Variants in NALF1 observed in about 807,000 individuals in gnomAD.
NALF1 encodes the protein NALCN channel auxiliary factor 1.
In NALF1, 3 loss-of-function variants were observed where a neutral mutation model predicts 48.4. That is an observed-to-expected ratio of 0.06 (90% CI 0.03 to 0.16). The LOEUF is 0.16. Among genes scored for constraint, NALF1 ranks in the 10% least tolerant of loss-of-function variants. The pLI is 1.00. For missense variants in NALF1, 526 were observed against 571.5 expected, an observed-to-expected ratio of 0.92 and a Z score of 0.81; for synonymous variants, 262 against 245.7, an observed-to-expected ratio of 1.07 and a Z score of -0.62.
At chr13:107,458,539 G>T (rs76529340) in intron 1 of NALF1, among the ~76,000 whole-genome samples, 8,127 of 152,222 alleles carry the variant, frequency 0.053, 393 homozygotes, top group African/African-American at 0.12. Flanking sequence ...CAAAGCCAAG[G>T]GCAGCAGGTC....
At chr13:107,413,137 T>A (rs1884020815) in intron 1 of NALF1, among the ~76,000 whole-genome samples, 1 of 152,168 alleles carries the variant, frequency 6.6e-6, no homozygotes, top group South Asian at 2.1e-4. Flanking sequence ...CAAGTAATAA[T>A]CCAGGGTCTA....
chr13:107,514,418 C>A (rs1479807641), intron 1 of NALF1, among the ~76,000 whole-genome samples: 1 of 80,006 alleles, frequency 1.2e-5, no homozygotes, highest in Non-Finnish European at 2.9e-5. Flanking sequence ...AGAAGCTTCT[C>A]CTATATCTAT....
chr13:107,643,769 C>T (rs1363890306), intron 1 of NALF1, among the ~76,000 whole-genome samples: 1 of 152,054 alleles, frequency 6.6e-6, no homozygotes, highest in Non-Finnish European at 1.5e-5. Flanking sequence ...TAGTACCATG[C>T]CTAATGCCAA....
Position 107,856,277 on chromosome 13 carries a change from G to A in NALF1, c.915+9405C>T, listed in dbSNP as rs1200544074. Among the ~76,000 whole-genome samples, 3 of 152,158 alleles carry A rather than the reference G, an allele frequency of 2.0e-5. No homozygotes were observed. In the East Asian group the frequency reaches 5.8e-4, roughly 29 times the overall value. ...TCCCCAAAGAATTGGATGTGGACAT[G>A]AATAACTGTGTGCAAAGAAGTGCTG... On this transcript the variant is annotated intron_variant, in intron 1 of 2. Coordinates refer to ENST00000375915, the MANE Select transcript of NALF1 (RefSeq NM_001080396.3).
chr13:107,834,443 A>G (rs1428475129), intron 1 of NALF1, among the ~76,000 whole-genome samples: 1 of 152,228 alleles, frequency 6.6e-6, no homozygotes, highest in African/African-American at 2.4e-5. Flanking sequence ...TATGGGGAAA[A>G]AATGAATGAA....
At chr13:107,438,680 G>A (rs537834100) in intron 1 of NALF1, among the ~76,000 whole-genome samples, 1 of 151,638 alleles carries the variant, frequency 6.6e-6, no homozygotes, top group South Asian at 2.1e-4. Context: ...AACCAGCCAG[G>A]TGTGGTTGGT....
chr13:107,260,643 C>A (rs745363703), intron 1 of NALF1, among the ~76,000 whole-genome samples: 4 of 152,178 alleles, frequency 2.6e-5, no homozygotes, highest in Non-Finnish European at 5.9e-5. Context: ...GATAACTTAG[C>A]AGGTCATGAA....
intron 1 of NALF1, among the ~76,000 whole-genome samples, chr13:107,296,037 T>C (rs1007194190): frequency 6.6e-6 from 1 of 152,166 alleles, no homozygotes; most frequent in Non-Finnish European, 1.5e-5. Context: ...GTGGGCAACA[T>C]TGAAAACATT....
intron 1 of NALF1, among the ~76,000 whole-genome samples, chr13:107,494,863 T>C (rs1408556082): frequency 6.6e-6 from 1 of 152,126 alleles, no homozygotes; most frequent in Non-Finnish European, 1.5e-5. Flanking sequence ...CAGAGAATAC[T>C]GAACAATATA....
chr13:107,356,595 C>A (rs1401923771), intron 1 of NALF1, among the ~76,000 whole-genome samples: 1 of 150,720 alleles, frequency 6.6e-6, no homozygotes, highest in African/African-American at 2.4e-5. Flanking sequence ...ATCCCCTATC[C>A]CTCACTTAGA....
chr13:107,550,331 C>T (rs749477895), intron 1 of NALF1, among the ~76,000 whole-genome samples: 2 of 151,916 alleles, frequency 1.3e-5, no homozygotes, highest in Non-Finnish European at 2.9e-5. Context: ...ACTAGGGCTC[C>T]GATTGTTTCA....
At chr13:107,406,094 C>T (rs958545639) in intron 1 of NALF1, among the ~76,000 whole-genome samples, 2 of 151,984 alleles carry the variant, frequency 1.3e-5, no homozygotes, top group African/African-American at 4.8e-5. Context: ...GCTATCCAAC[C>T]AACCAACACA....
chr13:107,447,250 T>C (rs1884665836), intron 1 of NALF1, among the ~76,000 whole-genome samples: 1 of 152,032 alleles, frequency 6.6e-6, no homozygotes, highest in Non-Finnish European at 1.5e-5. Context: ...CTCCTTCTTC[T>C]TTTTGTTTAT....
At chr13:107,270,144 G>A (rs1881131083) in intron 1 of NALF1, among the ~76,000 whole-genome samples, 1 of 151,692 alleles carries the variant, frequency 6.6e-6, no homozygotes, top group Non-Finnish European at 1.5e-5. Context: ...ACCTATATGA[G>A]GCCATCAAAA....
At chr13:107,356,994 G>C (rs1882974106) in intron 1 of NALF1, among the ~76,000 whole-genome samples, 1 of 152,176 alleles carries the variant, frequency 6.6e-6, no homozygotes, top group Admixed American at 6.5e-5. Context: ...TGAATAGATA[G>C]TGGCCTGGTC....
At chr13:107,658,053 C>A (rs544862100) in intron 1 of NALF1, among the ~76,000 whole-genome samples, 1 of 152,280 alleles carries the variant, frequency 6.6e-6, no homozygotes, top group South Asian at 2.1e-4. Flanking sequence ...TTCCCAGGGA[C>A]CCTTTAAAAT....
At chr13:107,275,376 G>A (rs2138867752) in intron 1 of NALF1, among the ~76,000 whole-genome samples, 1 of 152,166 alleles carries the variant, frequency 6.6e-6, no homozygotes, top group East Asian at 1.9e-4. Flanking sequence ...TGGTGAGACA[G>A]GCAAAGTCAA....
intron 1 of NALF1, among the ~76,000 whole-genome samples, chr13:107,680,948 A>ACTGTGTGTGT (rs886672431): frequency 7.7e-6 from 1 of 129,872 alleles, no homozygotes; most frequent in African/African-American, 2.8e-5. Context: ...TGAGTGTAAC[A>ACTGTGTGTGT]GTGTGTGTGT....
intron 1 of NALF1, among the ~76,000 whole-genome samples, chr13:107,621,913 G>C (rs963486420): frequency 6.6e-6 from 1 of 152,094 alleles, no homozygotes; most frequent in Non-Finnish European, 1.5e-5. Flanking sequence ...GTTCCACCAC[G>C]GATAACTGGG....
Sources: gnomAD v4.1 joint callset for allele counts (sites outside exome capture counted in the v4.1 genomes callset) on GRCh38, gnomAD v4.1.1 for gene constraint, MANE v1.5 for transcripts, NCBI Gene and HGNC (gene_info 2026-07-23, HGNC 2026-07-21) for gene names.